The following SMYD3 variants were observed in gnomAD, a reference collection of about 807,000 sequenced individuals.
SMYD3 encodes the protein histone-lysine N-methyltransferase SMYD3.
Under a neutral mutation model 57.7 loss-of-function variants are expected in SMYD3, and 36 were observed. The ratio of observed to expected loss-of-function variants is 0.62; its 90% CI spans 0.48 to 0.82. SMYD3 has a LOEUF of 0.82. Ranked by LOEUF, SMYD3 falls within the 40% of genes least tolerant of loss-of-function variation. The probability of loss-of-function intolerance (pLI) is 0.00; values close to 1 mark genes in which losing one functional copy is unlikely to be tolerated. For synonymous variants in SMYD3, 211 were observed against 195.0 expected (o/e 1.08, Z -0.68); for missense variants, 515 against 538.8 (o/e 0.96, Z 0.44).
intron 1 of SMYD3, among the ~76,000 whole-genome samples, chr1:246,390,930 C>T (rs1268470059): frequency 6.6e-6 from 1 of 151,940 alleles, no homozygotes; most frequent in Non-Finnish European, 1.5e-5. Flanking sequence ...ATATTTAACG[C>T]AAATGTAATA....
At chr1:246,147,441 G>A (rs781136513) in intron 5 of SMYD3, among the ~76,000 whole-genome samples, 1 of 152,144 alleles carries the variant, frequency 6.6e-6, no homozygotes, top group Non-Finnish European at 1.5e-5. Context: ...GGACGTGCTC[G>A]GTGGTTGTAA....
chr1:246,011,050 G>A (rs752408602), intron 5 of SMYD3, among the ~76,000 whole-genome samples: 2 of 152,172 alleles, frequency 1.3e-5, no homozygotes, highest in Non-Finnish European at 2.9e-5. Context: ...ACCACATTGG[G>A]ACTAGAAATC....
At chr1:246,255,967 T>C (rs148987129) in intron 5 of SMYD3, among the ~76,000 whole-genome samples, 14 of 151,258 alleles carry the variant, frequency 9.3e-5, no homozygotes, top group African/African-American at 2.9e-4. Flanking sequence ...GATAGATAGA[T>C]AGATAGATAG....
At chr1:245,884,416 T>A (rs1265680013) in intron 8 of SMYD3, among the ~76,000 whole-genome samples, 7 of 152,110 alleles carry the variant, frequency 4.6e-5, no homozygotes, top group African/African-American at 1.7e-4. Context: ...GAGTGGTCCT[T>A]CCGGTTTTGT....
intron 7 of SMYD3, among the ~76,000 whole-genome samples, chr1:245,916,934 T>C (rs1399419254): frequency 6.6e-6 from 1 of 151,978 alleles, no homozygotes; most frequent in African/African-American, 2.4e-5. Context: ...TACCAGTCCA[T>C]GACGACATGA....
At chr1:246,136,368 T>C (rs1031863312) in intron 5 of SMYD3, among the ~76,000 whole-genome samples, 8 of 152,230 alleles carry the variant, frequency 5.3e-5, no homozygotes, top group African/African-American at 1.4e-4. Flanking sequence ...GAAAGAAAGG[T>C]AGACACCTTA....
chr1:246,336,895 G>T (rs1347351701), intron 2 of SMYD3, among the ~76,000 whole-genome samples: 1 of 152,158 alleles, frequency 6.6e-6, no homozygotes. Flanking sequence ...AGGCAAAAAA[G>T]AAGGCATAAT....
At position 245,991,517 on chromosome 1, in the gene SMYD3, T is replaced by C. The variant is rs147882099; in HGVS notation, c.532-61580A>G. 1.6e-3 allele frequency among the ~76,000 whole-genome samples: 251 copies of C among 152,318 alleles called. 1 individual carries two copies. The highest frequency in any genetic ancestry group is 4.8e-3 in the African/African-American group (200 of 41,574). On this transcript the variant is annotated intron_variant, in intron 5 of 11. Transcript: ENST00000490107. ...GTGTTTCAGGAGGTTGCAGTCAAAC[T>C]GTCAGCCAGAGCCACAGTCAACTCA...
intron 5 of SMYD3, among the ~76,000 whole-genome samples, chr1:246,163,039 A>G (rs150193659): frequency 5.8e-4 from 88 of 152,300 alleles, no homozygotes; most frequent in Admixed American, 2.8e-3. Flanking sequence ...CGCATCAACT[A>G]ATTTTTATCA....
At chr1:246,043,024 T>C (rs2059904247) in intron 5 of SMYD3, among the ~76,000 whole-genome samples, 1 of 152,068 alleles carries the variant, frequency 6.6e-6, no homozygotes, top group African/African-American at 2.4e-5. Context: ...CACTGGGAAA[T>C]GTTTGTCTCT....
In SMYD3 at chr1:246,377,592, C is replaced by T. The variant is rs547109633; in HGVS notation, c.165-22498G>A. Among the ~76,000 whole-genome samples, 21 of 152,214 alleles carry T rather than the reference C, an allele frequency of 1.4e-4. No homozygotes were observed. The East Asian group carries it at 4.1e-3, about 29-fold the overall frequency. ...CCATGTTGGTCAGGCTAGTCTTGAACTCCCAACCTCAGGTGATCTACCTGC... is the reference window on the plus strand; with the variant it reads ...CCATGTTGGTCAGGCTAGTCTTGAATTCCCAACCTCAGGTGATCTACCTGC... On this transcript the variant is annotated intron_variant, in intron 1 of 11. Transcript: ENST00000490107.
chr1:245,823,145 T>G (rs1453785669), intron 10 of SMYD3, among the ~76,000 whole-genome samples: 3 of 152,156 alleles, frequency 2.0e-5, no homozygotes, highest in Middle Eastern at 3.2e-3. Context: ...TTCAGAGGAA[T>G]AGAGCTGGAT....
intron 5 of SMYD3, among the ~76,000 whole-genome samples, chr1:245,940,859 C>T (rs1226131399): frequency 3.9e-5 from 6 of 152,150 alleles, no homozygotes; most frequent in East Asian, 3.8e-4. Context: ...TGGGTAATAA[C>T]GAACTTCACT....
chr1:246,017,414 G>C (rs916806446), intron 5 of SMYD3, among the ~76,000 whole-genome samples: 1 of 152,130 alleles, frequency 6.6e-6, no homozygotes, highest in Non-Finnish European at 1.5e-5. Flanking sequence ...CACAGCAAAA[G>C]GTTCCAGTTC....
chr1:246,079,015 CT>C (rs879864120), intron 5 of SMYD3, among the ~76,000 whole-genome samples: 579 of 141,782 alleles, frequency 4.1e-3, no homozygotes, highest in Middle Eastern at 7.4e-3. Context: ...TCTCATCATT[CT>C]TTTTTTTTTT....
At chr1:245,765,828 G>A (rs116073993) in intron 10 of SMYD3, among the ~76,000 whole-genome samples, 1 of 152,244 alleles carries the variant, frequency 6.6e-6, no homozygotes, top group African/African-American at 2.4e-5. Flanking sequence ...CCTGCCATGT[G>A]CCAGGCGCTG....
Position 246,434,622 on chromosome 1 carries a change from C to G in SMYD3, c.164+72432G>C, listed in dbSNP as rs1361076306. On this transcript the variant is annotated intron_variant, in intron 1 of 11. Transcript: ENST00000490107. ...TACCATCTCACACCTGTCAGAATGG[C>G]TTTTATTAAAAAGTCAAAACAGAAC... Among the ~76,000 whole-genome samples, 6 of 152,168 alleles carry G rather than the reference C, an allele frequency of 3.9e-5. No individual in the cohort carries two copies. The East Asian group carries it at 1.2e-3, about 29-fold the overall frequency.
At chr1:245,758,291 G>A (rs544050279) in intron 11 of SMYD3, among the ~76,000 whole-genome samples, 1 of 152,216 alleles carries the variant, frequency 6.6e-6, no homozygotes, top group African/African-American at 2.4e-5. Context: ...TTTGGTGTGT[G>A]TGTGTAATCT....
intron 1 of SMYD3, among the ~76,000 whole-genome samples, chr1:246,460,227 C>T (rs1271495083): frequency 6.6e-6 from 1 of 152,170 alleles, no homozygotes; most frequent in Non-Finnish European, 1.5e-5. Context: ...ACATCTATTC[C>T]TTTTACAACT....
Sources: allele counts gnomAD v4.1 joint callset (sites outside exome capture counted in the v4.1 genomes callset), GRCh38; gene constraint gnomAD v4.1.1; transcripts MANE v1.5; gene names NCBI Gene and HGNC (gene_info 2026-07-23, HGNC 2026-07-21).